STARD13: variants seen among roughly 807,000 people sequenced by gnomAD.
STARD13 encodes StAR related lipid transfer domain containing 13, also known as stAR-related lipid transfer protein 13.
A neutral mutation model predicts 106.4 loss-of-function variants in STARD13; 62 were observed. The observed-to-expected ratio is 0.58, with a 90% CI of 0.48 to 0.72. STARD13 has a LOEUF of 0.72. STARD13 is among the 30% of genes least tolerant of loss of function. The pLI is 0.00. For synonymous variants in STARD13, 565 were observed against 553.0 expected (o/e 1.02, Z -0.31); for missense variants, 1,387 against 1,424.0 (o/e 0.97, Z 0.42).
At chr13:33,224,173 G>T (rs1325470113) in intron 1 of STARD13, among the ~76,000 whole-genome samples, 1 of 152,188 alleles carries the variant, frequency 6.6e-6, no homozygotes, top group African/African-American at 2.4e-5. Flanking sequence ...GACTAGTTAA[G>T]AGTAATACAC....
intron 11 of STARD13, 22 bp from the exon 12 acceptor site, chr13:33,110,112 A>C (rs1874316904): frequency 2.5e-6 from 4 of 1,611,622 alleles, no homozygotes; most frequent in African/African-American, 2.7e-5. Context: ...CAACGTCAGA[A>C]GCTGAAGAGG....
At chr13:33,441,821 C>G in the STARD13 span, among the ~76,000 whole-genome samples, 1 of 152,152 alleles carries the variant, frequency 6.6e-6, no homozygotes, top group East Asian at 1.9e-4. Context: ...CGGGAAAAAG[C>G]AAATCCACAA....
intron 1 of STARD13, among the ~76,000 whole-genome samples, chr13:33,224,476 A>C (rs536248054): frequency 1.3e-5 from 2 of 152,302 alleles, no homozygotes; most frequent in Non-Finnish European, 2.9e-5. Flanking sequence ...CTCAGCCCAT[A>C]TTACTCCCTC....
In STARD13 at chr13:33,104,550, C is replaced by T. The variant is rs1873461718; in HGVS notation, c.*1043G>A. 6.6e-6 allele frequency: 1 copy of T among 152,608 alleles called. No individual in the cohort carries two copies. Among genetic ancestry groups the T allele is most frequent in the African/African-American group, 2.4e-5 (1 of 41,438 alleles). The allele number at this position is 152,608 out of a possible 1,614,324, so 9.5% of individuals were successfully genotyped here. A position where few individuals can be genotyped will look rare whatever the true frequency, so the allele number is the denominator to read the frequency against. On this transcript the variant is annotated 3_prime_UTR_variant, in exon 14 of 14. Transcript: ENST00000336934. ...TTTGAACGGAATGGCCATCATCTCC[C>T]TTTGTATGGTGTCTGGAGTTGAATT...
At chr13:33,440,291 T>A in the STARD13 span, among the ~76,000 whole-genome samples, 12 of 151,842 alleles carry the variant, frequency 7.9e-5, no homozygotes, top group Non-Finnish European at 2.9e-5. Context: ...AAAAAAGATT[T>A]ACATGATACC....
At chr13:33,449,587 A>G in the STARD13 span, among the ~76,000 whole-genome samples, 1 of 152,000 alleles carries the variant, frequency 6.6e-6, no homozygotes. Flanking sequence ...GCTATTCAGG[A>G]TCTTTTGTGG....
intron 1 of STARD13, among the ~76,000 whole-genome samples, chr13:33,263,928 T>C (rs991650740): frequency 2.0e-5 from 3 of 152,210 alleles, no homozygotes; most frequent in African/African-American, 4.8e-5. Flanking sequence ...TATGGCTATG[T>C]TGACTAATAG....
chr13:33,301,265 T>A (rs563018598), intron 1 of STARD13, among the ~76,000 whole-genome samples: 4 of 152,324 alleles, frequency 2.6e-5, no homozygotes, highest in South Asian at 4.1e-4. Flanking sequence ...TCACTTGGCA[T>A]GTGTGAATTG....
rs759793248 is a variant in STARD13, at chr13:33,167,619, A to T, written c.173T>A (p.Ile58Asn). ...HQLVTKIQQE[I>N]EAKEACDWLR... is the part of the protein sequence containing the mutation. Reference sequence around the variant, plus strand: ...CCAGTCACATGCTTCTTTTGCCTCAATTTCTGAAAAACACAAGAGAGATAA... The same window carrying T: ...CCAGTCACATGCTTCTTTTGCCTCATTTTCTGAAAAACACAAGAGAGATAA... The change falls in exon 2 of 14, where the codon ATT becomes AAT. Residue 58 changes from isoleucine (I) to asparagine (N), a missense_variant. Physicochemically the swap from Ile to Asn is moderately radical, Grantham distance 149. Transcript: ENST00000336934. The T allele has an allele frequency of 5.0e-6, 8 of 1,614,000 alleles. No individual in the cohort carries two copies. Among genetic ancestry groups the T allele is most frequent in the Middle Eastern group, 1.6e-4 (1 of 6,080 alleles).
chr13:33,536,617 G>A, the STARD13 span, among the ~76,000 whole-genome samples: 1 of 152,168 alleles, frequency 6.6e-6, no homozygotes, highest in African/African-American at 2.4e-5. Context: ...TTATATTCAA[G>A]GGATTTATAA....
intron 12 of STARD13, among the ~76,000 whole-genome samples, chr13:33,108,717 A>G (rs1874111588): frequency 6.6e-6 from 1 of 152,136 alleles, no homozygotes; most frequent in African/African-American, 2.4e-5. Flanking sequence ...GGTTCTACAC[A>G]CAGACTCAGG....
intron 6 of STARD13, 95 bp downstream of exon 6, chr13:33,127,278 T>C: frequency 7.3e-7 from 1 of 1,371,066 alleles, no homozygotes; most frequent in Non-Finnish European, 9.6e-7. Context: ...AATGAATGGG[T>C]TTTTCAGATA....
intron 1 of STARD13, among the ~76,000 whole-genome samples, chr13:33,231,519 G>A (rs1476062506): frequency 6.6e-6 from 1 of 152,190 alleles, no homozygotes; most frequent in Non-Finnish European, 1.5e-5. Flanking sequence ...ATGAGGGACT[G>A]GAGGAGGGGC....
At chr13:33,652,559 G>A in the STARD13 span, among the ~76,000 whole-genome samples, 3 of 152,216 alleles carry the variant, frequency 2.0e-5, no homozygotes, top group Admixed American at 1.3e-4. Context: ...TAATTCCATA[G>A]GCTATAAAAA....
chr13:33,510,535 A>G, the STARD13 span, among the ~76,000 whole-genome samples: 1 of 152,150 alleles, frequency 6.6e-6, no homozygotes, highest in African/African-American at 2.4e-5. Context: ...CCAATAAAGT[A>G]CTGGATTTCT....
At chr13:33,127,285 GATATCACAAAGTAAACA>G in intron 6 of STARD13, 71 bp downstream of exon 6, 1 of 1,403,520 alleles carries the variant, frequency 7.1e-7, no homozygotes, top group Non-Finnish European at 9.4e-7. Context: ...GGGTTTTTCA[GATATCACAAAGTAAACA>G]TGGAAGCTTC....
intron 7 of STARD13, among the ~76,000 whole-genome samples, chr13:33,119,492 A>G (rs1240214669): frequency 6.6e-6 from 1 of 152,192 alleles, no homozygotes; most frequent in Non-Finnish European, 1.5e-5. Context: ...AAGTTCGGGT[A>G]TGTGACAAAG....
the STARD13 span, among the ~76,000 whole-genome samples, chr13:33,645,090 G>T: frequency 2.2e-3 from 332 of 152,280 alleles, 1 homozygote; most frequent in African/African-American, 7.6e-3. Flanking sequence ...CCCACTAAGA[G>T]GGGGAGTCTC....
rs530549021 is a variant in STARD13 at position 33,215,155 on chromosome 13, T to G, written c.170-47533A>C. Among the ~76,000 whole-genome samples, 221 of 150,128 alleles carry G rather than the reference T, an allele frequency of 1.5e-3. 1 individual carries two copies. The highest frequency in any genetic ancestry group is 7.1e-4 in the Non-Finnish European group (48 of 67,690). On this transcript the variant is annotated intron_variant, in intron 1 of 13. Coordinates refer to ENST00000336934, the MANE Select transcript of STARD13 (RefSeq NM_178006.4). The stretch of plus-strand genomic sequence containing the variant: ...GTGGGGGGAAATAAGCACCTCTCAC[T>G]GAGCCTGCTAGTCTCTGACTGGTGG...
Sources: gnomAD v4.1 joint callset for allele counts (sites outside exome capture counted in the v4.1 genomes callset) on GRCh38, gnomAD v4.1.1 for gene constraint, MANE v1.5 for transcripts, NCBI Gene and HGNC (gene_info 2026-07-23, HGNC 2026-07-21) for gene names.